VWA5B1: variants seen among roughly 807,000 people sequenced by gnomAD.
VWA5B1 encodes von Willebrand factor A domain containing 5B1, also known as von Willebrand factor A domain-containing protein 5B1.
In VWA5B1, 115 loss-of-function variants were observed where a neutral mutation model predicts 118.2. The ratio of observed to expected loss-of-function variants is 0.97; its 90% CI spans 0.84 to 1.14. VWA5B1 has a LOEUF of 1.14. Ranked by LOEUF, VWA5B1 falls within the 50% of genes most tolerant of loss-of-function variation. VWA5B1 has a pLI of 0.00. For synonymous variants in VWA5B1, 682 were observed against 658.4 expected, an observed-to-expected ratio of 1.04 and a Z score of -0.55; for missense variants, 1,596 against 1,603.8, an observed-to-expected ratio of 1.00 and a Z score of 0.08.
At position 20,355,438 on chromosome 1, in the gene VWA5B1, C is replaced by A. The variant is rs929430772; in HGVS notation, c.*1175C>A. On this transcript the variant is annotated 3_prime_UTR_variant, in exon 22 of 22. Coordinates refer to ENST00000289815, the MANE Select transcript of VWA5B1 (RefSeq NM_001039500.3). The stretch of plus-strand genomic sequence containing the variant: ...TAGAGCTGCCCAGTCTCCTCTTCCC[C>A]ACTGACTCCCCTGGAGGTGGGTCTA... Among the ~76,000 whole-genome samples the A allele has an allele frequency of 6.6e-6, 1 of 152,250 alleles. No homozygotes were observed. The highest frequency in any genetic ancestry group is 2.4e-5 in the African/African-American group (1 of 41,470).
chr1:20,309,274 A>G (rs533634472), intron 1 of VWA5B1, among the ~76,000 whole-genome samples: 46 of 152,364 alleles, frequency 3.0e-4, no homozygotes, highest in African/African-American at 1.0e-3. Flanking sequence ...AACAGAGAGT[A>G]ACAGACATCG....
At chr1:20,319,656 T>C (rs985485274) in intron 7 of VWA5B1, 150 bp downstream of exon 7, 1 of 1,243,738 alleles carries the variant, frequency 8.0e-7, no homozygotes, top group Non-Finnish European at 1.1e-6. Flanking sequence ...TGTTTCCTTC[T>C]GTGGGCCCCC....
At chr1:20,315,366 G>A (rs896927377) in intron 4 of VWA5B1, among the ~76,000 whole-genome samples, 10 of 152,342 alleles carry the variant, frequency 6.6e-5, no homozygotes, top group African/African-American at 2.4e-4. Context: ...ACCATTAAGA[G>A]GGTTTTTGAC....
chr1:20,316,240 C>T (rs1474521714), intron 4 of VWA5B1, among the ~76,000 whole-genome samples: 1 of 152,152 alleles, frequency 6.6e-6, no homozygotes, highest in African/African-American at 2.4e-5. Flanking sequence ...TCGGTGTGGC[C>T]TTTCACCCAG....
chr1:20,330,039 T>G (rs748231281), intron 9 of VWA5B1, 141 bp from the exon 10 acceptor site: 8 of 920,820 alleles, frequency 8.7e-6, no homozygotes, highest in Admixed American at 4.5e-5. Context: ...TTCCTGTGAG[T>G]GTGGGCAGGG....
intron 1 of VWA5B1, among the ~76,000 whole-genome samples, chr1:20,291,938 C>T (rs970724904): frequency 2.6e-5 from 4 of 152,174 alleles, no homozygotes; most frequent in Non-Finnish European, 2.9e-5. Context: ...CTCCCGCCGC[C>T]GGCACCACAG....
At chr1:20,303,688 A>G (rs1247161661) in intron 1 of VWA5B1, among the ~76,000 whole-genome samples, 1 of 152,106 alleles carries the variant, frequency 6.6e-6, no homozygotes, top group Non-Finnish European at 1.5e-5. Context: ...ACCCCTAACC[A>G]CTACCCCATG....
At chr1:20,327,827 G>A in intron 8 of VWA5B1, 63 bp from the exon 9 acceptor site, 1 of 1,336,784 alleles carries the variant, frequency 7.5e-7, no homozygotes, top group Non-Finnish European at 1.1e-6. Flanking sequence ...GAATATTGGA[G>A]TGCAGTGGCC....
intron 1 of VWA5B1, among the ~76,000 whole-genome samples, chr1:20,307,752 G>A (rs997384000): frequency 2.6e-5 from 4 of 151,750 alleles, no homozygotes; most frequent in South Asian, 2.1e-4. Flanking sequence ...TAAAAAATAT[G>A]CATTAACCAG....
At chr1:20,353,701 A>C in intron 21 of VWA5B1, 56 bp from the exon 22 acceptor site, 1 of 1,440,506 alleles carries the variant, frequency 6.9e-7, no homozygotes, top group Non-Finnish European at 9.1e-7. Flanking sequence ...TGCATGGCCT[A>C]TGGCTCCCTG....
intron 1 of VWA5B1, among the ~76,000 whole-genome samples, chr1:20,301,539 A>G (rs1214005169): frequency 6.6e-6 from 1 of 152,192 alleles, no homozygotes; most frequent in East Asian, 1.9e-4. Context: ...GCAGGCAGGC[A>G]CAGCACAAGG....
chr1:20,345,028 C>G (rs1033581547), intron 16 of VWA5B1, among the ~76,000 whole-genome samples: 2 of 152,220 alleles, frequency 1.3e-5, no homozygotes, highest in African/African-American at 4.8e-5. Context: ...TTGCAATGTC[C>G]TCAGCAGTTA....
intron 1 of VWA5B1, among the ~76,000 whole-genome samples, chr1:20,297,996 A>ATTTTTTTTTTTTTTTTT (rs60497976): frequency 1.9e-4 from 24 of 126,632 alleles, no homozygotes; most frequent in East Asian, 5.2e-4. Flanking sequence ...TCGGTGGTGG[A>ATTTTTTTTTTTTTTTTT]TTTTTTTTTT....
chr1:20,358,583 G>T lies in VWA5B1; in HGVS notation c.*4320G>T, dbSNP rs185272383. Among the ~76,000 whole-genome samples, 2 of 152,164 alleles carry T rather than the reference G, an allele frequency of 1.3e-5. No individual in the cohort carries two copies. The highest frequency in any genetic ancestry group is 2.4e-5 in the African/African-American group (1 of 41,530). ...CATTCAGGGGTCCAAATGCCCAAAT[G>T]CACATCTCTCTATGTGCCCATTATA... On this transcript the variant is annotated 3_prime_UTR_variant, in exon 22 of 22. Coordinates refer to ENST00000289815, the MANE Select transcript of VWA5B1 (RefSeq NM_001039500.3).
At chr1:20,298,482 C>A (rs886636400) in intron 1 of VWA5B1, among the ~76,000 whole-genome samples, 1 of 152,016 alleles carries the variant, frequency 6.6e-6, no homozygotes, top group South Asian at 2.1e-4. Flanking sequence ...GCTTTATCCC[C>A]ACATCCCACC....
intron 1 of VWA5B1, among the ~76,000 whole-genome samples, chr1:20,294,629 G>T (rs12081122): frequency 6.7e-6 from 1 of 150,196 alleles, no homozygotes; most frequent in Non-Finnish European, 1.5e-5. Flanking sequence ...ACAGGCATGC[G>T]CCACCACGCC....
rs544370226 is a variant in VWA5B1 at position 20,342,610 on chromosome 1, G to A, written c.2311+1G>A. The A allele has an allele frequency of 2.6e-5, 39 of 1,477,786 alleles. No individual in the cohort carries two copies. Among genetic ancestry groups the A allele is most frequent in the Non-Finnish European group, 3.3e-5 (37 of 1,114,810 alleles). 91.5% of individuals were successfully genotyped at this position (1,477,786 alleles called of 1,614,324 possible). On this transcript the variant is annotated splice_donor_variant, in intron 15 of 21. Transcript: ENST00000289815. LOFTEE classifies it high-confidence loss of function. ...GACAGCCGAAGCCCTGGAGATCTGG[G>A]TAAGTGACCACAGGGTCCAGGACCC...
In VWA5B1 at chr1:20,353,831, G is replaced by A; in HGVS notation, c.3216G>A (p.Glu1072=). The A allele has an allele frequency of 1.3e-6, 2 of 1,520,832 alleles. No individual in the cohort carries two copies. 94.2% of individuals were successfully genotyped at this position (1,520,832 alleles called of 1,614,324 possible). A position where few individuals can be genotyped will look rare whatever the true frequency, so the allele number is the denominator to read the frequency against. The change falls in exon 22 of 22, where the codon GAG becomes GAA. Residue 1072 remains glutamate, a synonymous_variant. Coordinates refer to ENST00000289815, the MANE Select transcript of VWA5B1 (RefSeq NM_001039500.3). ...AFCEATHIPM[E]KLKWTSPFTC... is the part of the protein sequence containing the mutation. ...GTGAGGCCACGCACATCCCCATGGAGAAGCTCAAGTGGACGTCCCCCTTCA... is the reference window on the plus strand; with the variant it reads ...GTGAGGCCACGCACATCCCCATGGAAAAGCTCAAGTGGACGTCCCCCTTCA...
Position 20,352,877 on chromosome 1 carries a change from A to G in VWA5B1, c.3141+705A>G, listed in dbSNP as rs922694971. 5.8e-4 allele frequency among the ~76,000 whole-genome samples: 88 copies of G among 152,260 alleles called. 1 individual carries two copies. The highest frequency in any genetic ancestry group is 7.1e-4 in the Non-Finnish European group (48 of 68,050). ...TATTTATTGAGTTAGGCCCAGTGCT[A>G]GACCCTGGAGAGACAACATTGAACT... On this transcript the variant is annotated intron_variant, in intron 21 of 21. Transcript: ENST00000289815.
Sources: gnomAD v4.1 joint callset for allele counts (sites outside exome capture counted in the v4.1 genomes callset) on GRCh38, gnomAD v4.1.1 for gene constraint, MANE v1.5 for transcripts, NCBI Gene and HGNC (gene_info 2026-07-23, HGNC 2026-07-21) for gene names.